Variants in FER observed in about 807,000 individuals in gnomAD.
The protein encoded by FER is FER tyrosine kinase.
A neutral mutation model predicts 111.0 loss-of-function variants in FER; 63 were observed. That is an observed-to-expected ratio of 0.57 (90% CI 0.46 to 0.70). FER has a LOEUF of 0.70. Ranked by LOEUF, FER falls within the 30% of genes least tolerant of loss-of-function variation. The probability of loss-of-function intolerance (pLI) is 0.00; values close to 1 mark genes in which losing one functional copy is unlikely to be tolerated. For missense variants in FER, 914 were observed against 954.0 expected, an observed-to-expected ratio of 0.96 and a Z score of 0.55; for synonymous variants, 327 against 313.9, an observed-to-expected ratio of 1.04 and a Z score of -0.44.
chr5:108,798,056 A>AGT, intron 2 of FER, 68 bp from the exon 3 acceptor site: 3 of 574,382 alleles, frequency 5.2e-6, no homozygotes, highest in Admixed American at 3.5e-5. Context: ...ATCTATCATA[A>AGT]CTTTTTTTTT....
intron 10 of FER, among the ~76,000 whole-genome samples, chr5:108,899,505 A>G (rs572507356): frequency 1.3e-5 from 2 of 152,080 alleles, no homozygotes; most frequent in African/African-American, 2.4e-5. Flanking sequence ...GGAATTGGTT[A>G]TTTAAAGGCT....
chr5:108,776,207 A>G (rs1006459315), intron 2 of FER, among the ~76,000 whole-genome samples: 7 of 152,154 alleles, frequency 4.6e-5, no homozygotes, highest in Admixed American at 3.3e-4. Flanking sequence ...TGTTGGGGGA[A>G]GAATGAAGGA....
At chr5:109,032,764 C>T (rs1034412996) in intron 13 of FER, among the ~76,000 whole-genome samples, 29 of 152,144 alleles carry the variant, frequency 1.9e-4, no homozygotes, top group African/African-American at 7.0e-4. Context: ...CCATATCTTA[C>T]AGTGATTACC....
At chr5:109,108,722 C>G (rs1210471393) in intron 17 of FER, among the ~76,000 whole-genome samples, 1 of 152,134 alleles carries the variant, frequency 6.6e-6, no homozygotes, top group Non-Finnish European at 1.5e-5. Flanking sequence ...TAAAGTAACT[C>G]ACTTTTTCTA....
At chr5:109,122,416 ATTG>A (rs1751098493) in intron 17 of FER, among the ~76,000 whole-genome samples, 1 of 151,722 alleles carries the variant, frequency 6.6e-6, no homozygotes, top group Non-Finnish European at 1.5e-5. Context: ...GTTTTATTCA[ATTG>A]TTGTCAGAGA....
Position 109,039,885 on chromosome 5 carries a change from G to A in FER, c.1713+2407G>A, listed in dbSNP as rs115779528. Among the ~76,000 whole-genome samples the A allele has an allele frequency of 4.0e-3, 613 of 152,122 alleles. 4 individuals carry two copies. The highest frequency in any genetic ancestry group is 0.014 in the African/African-American group (578 of 41,528). Reference sequence around the variant, plus strand: ...ATGATCTTTTTTAAAAAGTTACTCCGGGAGTTGTGAAAATAGGCTGACAAC... The same window carrying A: ...ATGATCTTTTTTAAAAAGTTACTCCAGGAGTTGTGAAAATAGGCTGACAAC... On this transcript the variant is annotated intron_variant, in intron 14 of 19. Transcript: ENST00000281092.
intron 10 of FER, among the ~76,000 whole-genome samples, chr5:108,922,864 A>T (rs1377838832): frequency 6.6e-6 from 1 of 152,134 alleles, no homozygotes; most frequent in Non-Finnish European, 1.5e-5. Context: ...TTGGCAAAAG[A>T]ATACCTTTGG....
intron 14 of FER, among the ~76,000 whole-genome samples, chr5:109,041,615 G>A (rs1430274277): frequency 6.6e-6 from 1 of 152,168 alleles, no homozygotes; most frequent in Non-Finnish European, 1.5e-5. Context: ...GAGGAGAGAT[G>A]TTCAAGAAAC....
At chr5:109,084,283 A>G (rs960116922) in intron 16 of FER, among the ~76,000 whole-genome samples, 6 of 151,986 alleles carry the variant, frequency 3.9e-5, no homozygotes, top group Admixed American at 6.6e-5. Context: ...CCACACATAC[A>G]TCTTCTTTTT....
intron 17 of FER, among the ~76,000 whole-genome samples, chr5:109,110,103 A>T (rs1749423983): frequency 6.6e-6 from 1 of 152,124 alleles, no homozygotes; most frequent in Non-Finnish European, 1.5e-5. Context: ...TTACCCCTTT[A>T]GCTAAGTGTT....
At chr5:109,141,418 C>A (rs1753511155) in intron 17 of FER, among the ~76,000 whole-genome samples, 1 of 152,210 alleles carries the variant, frequency 6.6e-6, no homozygotes, top group African/African-American at 2.4e-5. Context: ...GGTGGTACTG[C>A]AGACTAACTG....
At chr5:109,024,803 G>A (rs933881636) in intron 13 of FER, among the ~76,000 whole-genome samples, 3 of 152,056 alleles carry the variant, frequency 2.0e-5, no homozygotes, top group Non-Finnish European at 2.9e-5. Context: ...TGTATAAGGT[G>A]TAAGGAAGGG....
chr5:108,841,414 TA>T (rs1188442476), intron 5 of FER, among the ~76,000 whole-genome samples: 2 of 152,158 alleles, frequency 1.3e-5, no homozygotes, highest in Non-Finnish European at 2.9e-5. Context: ...CTGCACTAAG[TA>T]GTATAAAGGA....
At chr5:108,852,162 G>C (rs866718710) in intron 5 of FER, among the ~76,000 whole-genome samples, 1 of 152,152 alleles carries the variant, frequency 6.6e-6, no homozygotes, top group Admixed American at 6.5e-5. Flanking sequence ...AGAACTGTGG[G>C]GAGTAGCTGC....
At chr5:108,976,571 A>G (rs908770689) in intron 13 of FER, among the ~76,000 whole-genome samples, 7 of 152,148 alleles carry the variant, frequency 4.6e-5, no homozygotes. Flanking sequence ...TCTGCATATG[A>G]CTTTTGACTT....
intron 17 of FER, among the ~76,000 whole-genome samples, chr5:109,173,663 C>T (rs1757375605): frequency 6.6e-6 from 1 of 152,128 alleles, no homozygotes; most frequent in Non-Finnish European, 1.5e-5. Flanking sequence ...CATATCAGCC[C>T]TGTCCTCCTA....
intron 16 of FER, among the ~76,000 whole-genome samples, chr5:109,074,828 C>T (rs757954523): frequency 6.6e-6 from 1 of 152,158 alleles, no homozygotes; most frequent in African/African-American, 2.4e-5. Context: ...CAGTAAGTGA[C>T]GTGAAAACCT....
intron 18 of FER, 78 bp downstream of exon 18, chr5:109,180,979 A>G: frequency 1.6e-6 from 2 of 1,254,304 alleles, no homozygotes; most frequent in Non-Finnish European, 2.2e-6. Context: ...CAATATTTAC[A>G]GGGGTAGCAC....
chr5:109,012,184 G>T (rs576889389), intron 13 of FER, among the ~76,000 whole-genome samples: 49 of 152,256 alleles, frequency 3.2e-4, no homozygotes, highest in African/African-American at 9.9e-4. Context: ...GTGTATTCAC[G>T]TATGCCAGCC....
Sources: allele counts gnomAD v4.1 joint callset (sites outside exome capture counted in the v4.1 genomes callset), GRCh38; gene constraint gnomAD v4.1.1; transcripts MANE v1.5; gene names NCBI Gene and HGNC (gene_info 2026-07-23, HGNC 2026-07-21).